The following SYNPO2 variants were observed in gnomAD, a reference collection of about 807,000 sequenced individuals.
SYNPO2 encodes synaptopodin-2.
Under a neutral mutation model 85.0 loss-of-function variants are expected in SYNPO2, and 56 were observed. The observed-to-expected ratio is 0.66, with a 90% CI of 0.53 to 0.82. SYNPO2 has a LOEUF of 0.82. Among genes scored for constraint, SYNPO2 ranks in the 40% least tolerant of loss-of-function variants. SYNPO2 has a pLI of 0.00. For missense variants in SYNPO2, 1,575 were observed against 1,534.2 expected (o/e 1.03, Z -0.44); for synonymous variants, 602 against 591.1 (o/e 1.02, Z -0.27).
At chr4:119,055,517 T>C (rs1261252095) in intron 4 of SYNPO2, among the ~76,000 whole-genome samples, 2 of 152,244 alleles carry the variant, frequency 1.3e-5, no homozygotes, top group Non-Finnish European at 2.9e-5. Flanking sequence ...TACTGGATTG[T>C]GTGCTTATTG....
At chr4:118,861,557 A>T (rs972374521) in intron 1 of SYNPO2, among the ~76,000 whole-genome samples, 4 of 152,194 alleles carry the variant, frequency 2.6e-5, no homozygotes, top group Non-Finnish European at 4.4e-5. Context: ...TTTCTTCTGC[A>T]TATGGATATC....
intron 1 of SYNPO2, among the ~76,000 whole-genome samples, chr4:118,861,800 G>T (rs777156559): frequency 6.6e-6 from 1 of 152,080 alleles, no homozygotes; most frequent in Non-Finnish European, 1.5e-5. Flanking sequence ...TGTTCTTTCT[G>T]CTCAGGATAG....
chr4:119,037,373 G>A, intron 4 of SYNPO2: 1 of 1,228,832 alleles, frequency 8.1e-7, no homozygotes, highest in Non-Finnish European at 1.0e-6. Context: ...TTTGTACTTG[G>A]CCCTGAGTTG....
intron 1 of SYNPO2, 45 bp from the exon 2 acceptor site, chr4:119,023,385 C>A (rs767584667): frequency 2.0e-5 from 31 of 1,544,638 alleles, no homozygotes; most frequent in Non-Finnish European, 2.5e-5. Context: ...TTGCTTTTTA[C>A]AAATTATATC....
At position 119,027,448 on chromosome 4, in the gene SYNPO2, G is replaced by C. The variant is rs1458101537; in HGVS notation, c.1069+10G>C. On this transcript the variant is annotated intron_variant, in intron 3 of 4. Transcript: ENST00000307142. ...CGAGCGCGGCATGCACGTAAGTTCTGCCTGGGCTTTCAGAAGGGGCTTGGG... is the reference window on the plus strand; with the variant it reads ...CGAGCGCGGCATGCACGTAAGTTCTCCCTGGGCTTTCAGAAGGGGCTTGGG... The C allele has an allele frequency of 6.4e-7, 1 of 1,568,484 alleles. No individual in the cohort carries two copies.
intron 1 of SYNPO2, among the ~76,000 whole-genome samples, chr4:118,914,405 A>C (rs531806947): frequency 1.5e-4 from 23 of 152,250 alleles, no homozygotes; most frequent in Admixed American, 1.4e-3. Context: ...CCAATAATTA[A>C]AGTATGGACA....
At chr4:118,983,170 G>T (rs752627899) in intron 1 of SYNPO2, among the ~76,000 whole-genome samples, 7 of 152,092 alleles carry the variant, frequency 4.6e-5, no homozygotes, top group Non-Finnish European at 7.4e-5. Flanking sequence ...TCCCTTCATT[G>T]TTAACTTTGC....
In SYNPO2 at chr4:118,922,792, C is replaced by T. The variant is rs1202486097; in HGVS notation, c.105+33651C>T. Among the ~76,000 whole-genome samples the T allele has an allele frequency of 4.0e-5, 6 of 151,546 alleles. No individual in the cohort carries two copies. The East Asian group carries it at 1.2e-3, about 29-fold the overall frequency. Reference sequence around the variant, plus strand: ...ACTTAGTGTTGTCTTAAATTTTAAACTCCAGGGAGAAGTGTCTGGTATTTT... The same window carrying T: ...ACTTAGTGTTGTCTTAAATTTTAAATTCCAGGGAGAAGTGTCTGGTATTTT... On this transcript the variant is annotated intron_variant, in intron 1 of 4. Coordinates refer to ENST00000307142, the MANE Select transcript of SYNPO2 (RefSeq NM_133477.3).
chr4:119,032,185 G>A (rs868669027), intron 4 of SYNPO2, 158 bp downstream of exon 4: 1 of 1,450,282 alleles, frequency 6.9e-7, no homozygotes, highest in Non-Finnish European at 9.0e-7. Flanking sequence ...CCTAATCTGG[G>A]TCCAAGGAGT....
Position 119,031,836 on chromosome 4 carries a change from G to C in SYNPO2, c.3061G>C (p.Ala1021Pro). 1 of 1,614,182 alleles carries C rather than the reference G, an allele frequency of 6.2e-7. No individual in the cohort carries two copies. The highest frequency in any genetic ancestry group is 8.5e-7 in the Non-Finnish European group (1 of 1,180,030). Residue 1021 changes from alanine (A) to proline (P), a missense_variant, in exon 4 of 5, where the codon GCT (alanine) becomes CCT (proline). By Grantham distance (27) the Ala-to-Pro change is conservative. Around this residue, in one of 3 missense-constraint regions of SYNPO2, gnomAD observed 1,508 missense variants for 1,446.8 expected, o/e 1.04. Transcript: ENST00000307142. ...TGCTGCCTCACCTACGAATGTGCAG[G>C]CTTCGTCAGTGTACTCGGTACCAGC... ...VNAASPTNVQ[A>P]SSVYSVPAYT...
intron 4 of SYNPO2, among the ~76,000 whole-genome samples, chr4:119,052,812 A>G (rs764235473): frequency 9.2e-5 from 14 of 152,228 alleles, no homozygotes; most frequent in Admixed American, 3.3e-4. Context: ...TCTTCCTAAA[A>G]GTAAGCAAAA....
rs974744641 is a variant in SYNPO2, at chr4:118,966,949, C to G, written c.106-56481C>G. Among the ~76,000 whole-genome samples, 6 of 152,294 alleles carry G rather than the reference C, an allele frequency of 3.9e-5. No individual in the cohort carries two copies. In the South Asian group the frequency reaches 8.3e-4, roughly 21 times the overall value. ...GTAGTTTTTAAGGAACTGTACCTCA[C>G]AGTAAGTACATCTTTTTCCTCTTTA... On this transcript the variant is annotated intron_variant, in intron 1 of 4. Transcript: ENST00000307142.
Position 119,030,829 on chromosome 4 carries a change from A to T in SYNPO2, c.2054A>T (p.Gln685Leu), listed in dbSNP as rs1738208843. Residue 685 changes from glutamine (Q) to leucine (L), a missense_variant, in exon 4 of 5, where the codon CAG (glutamine) becomes CTG (leucine). Physicochemically the swap from Gln to Leu is moderately radical, Grantham distance 113. Around this residue, in one of 3 missense-constraint regions of SYNPO2, gnomAD observed 1,508 missense variants for 1,446.8 expected, o/e 1.04. Coordinates refer to ENST00000307142, the MANE Select transcript of SYNPO2 (RefSeq NM_133477.3). ...SVPAKRTGIL[Q>L]EAKRRSTTKP... ...CCAGCAAAAAGAACAGGAATATTGC[A>T]GGAGGCCAAAAGGAGAAGCACGACA... 1 of 1,614,044 alleles carries T rather than the reference A, an allele frequency of 6.2e-7. No homozygotes were observed.
At chr4:119,023,742 T>A (rs1410643513) in intron 2 of SYNPO2, among the ~76,000 whole-genome samples, 161 bp downstream of exon 2, 1 of 152,224 alleles carries the variant, frequency 6.6e-6, no homozygotes, top group African/African-American at 2.4e-5. Context: ...TGAAAAATAG[T>A]CAATTCTAGT....
intron 1 of SYNPO2, among the ~76,000 whole-genome samples, chr4:118,936,339 A>T (rs1036957389): frequency 1.3e-5 from 2 of 152,172 alleles, no homozygotes; most frequent in African/African-American, 4.8e-5. Context: ...TTTAATATTT[A>T]TTAATTTATT....
chr4:118,953,663 T>C (rs1224120181), intron 1 of SYNPO2, among the ~76,000 whole-genome samples: 1 of 152,138 alleles, frequency 6.6e-6, no homozygotes, highest in Admixed American at 6.5e-5. Context: ...TTCAACACTT[T>C]GTACCATATG....
At chr4:118,982,290 A>G (rs1388627171) in intron 1 of SYNPO2, among the ~76,000 whole-genome samples, 1 of 152,250 alleles carries the variant, frequency 6.6e-6, no homozygotes, top group Non-Finnish European at 1.5e-5. Context: ...CAGTGTAGGA[A>G]CAAAAAAGGC....
intron 1 of SYNPO2, among the ~76,000 whole-genome samples, chr4:118,978,959 CAT>C (rs1446664573): frequency 6.6e-6 from 1 of 152,194 alleles, no homozygotes; most frequent in Non-Finnish European, 1.5e-5. Flanking sequence ...GGCCCGCACA[CAT>C]AGCGCATTCT....
chr4:119,022,888 T>G (rs1324534289), intron 1 of SYNPO2, among the ~76,000 whole-genome samples: 4 of 151,932 alleles, frequency 2.6e-5, no homozygotes, highest in Non-Finnish European at 1.5e-5. Context: ...GCAATTCTCC[T>G]GCCTCAGCCT....
Sources: gnomAD v4.1 joint callset for allele counts (sites outside exome capture counted in the v4.1 genomes callset) on GRCh38, gnomAD v4.1.1 for gene constraint, gnomAD v4.1.1 regional missense constraint, MANE v1.5 for transcripts, NCBI Gene and HGNC (gene_info 2026-07-23, HGNC 2026-07-21) for gene names.